The following PTPRD variants were observed in gnomAD, a reference collection of about 807,000 sequenced individuals.
PTPRD encodes protein tyrosine phosphatase receptor type D.
PTPRD carries 34 observed loss-of-function variants against 214.5 expected under a neutral mutation model. The observed-to-expected ratio is 0.16, with a 90% confidence interval of 0.12 to 0.21. The LOEUF is 0.21. Among genes scored for constraint, PTPRD ranks in the 10% least tolerant of loss-of-function variants. PTPRD has a pLI of 1.00. For missense variants in PTPRD, 2,545 were observed against 2,398.7 expected, an observed-to-expected ratio of 1.06 and a Z score of -1.27; for synonymous variants, 1,128 against 845.7, an observed-to-expected ratio of 1.33 and a Z score of -5.79.
At chr9:9,576,777 T>G (rs927523260) in intron 7 of PTPRD, among the ~76,000 whole-genome samples, 3 of 152,126 alleles carry the variant, frequency 2.0e-5, no homozygotes, top group African/African-American at 7.2e-5. Flanking sequence ...AGCTTTAAGG[T>G]TTTAACATTA....
intron 7 of PTPRD, among the ~76,000 whole-genome samples, chr9:9,676,812 G>T (rs948863322): frequency 6.6e-6 from 1 of 151,982 alleles, no homozygotes. Context: ...TTTAATGATC[G>T]CCATTTTAAC....
At chr9:9,745,861 T>A (rs1596555902) in intron 6 of PTPRD, among the ~76,000 whole-genome samples, 1 of 152,184 alleles carries the variant, frequency 6.6e-6, no homozygotes, top group Non-Finnish European at 1.5e-5. Context: ...GCTCTCCCAG[T>A]TGTTGTCTCT....
At chr9:9,364,851 G>A (rs912159121) in intron 9 of PTPRD, among the ~76,000 whole-genome samples, 1 of 151,188 alleles carries the variant, frequency 6.6e-6, no homozygotes, top group East Asian at 2.0e-4. Flanking sequence ...GCAGTGTTGA[G>A]TGTGGATGGA....
chr9:10,147,575 G>C lies in PTPRD; in HGVS notation c.-544-113785C>G, dbSNP rs147343003. Among the ~76,000 whole-genome samples the C allele has an allele frequency of 3.1e-3, 472 of 152,208 alleles. 2 individuals carry two copies. Among genetic ancestry groups the C allele is most frequent in the African/African-American group, 0.011 (453 of 41,552 alleles). On this transcript the variant is annotated intron_variant, in intron 3 of 45. Coordinates refer to ENST00000381196, the MANE Select transcript of PTPRD (RefSeq NM_002839.4). The stretch of plus-strand genomic sequence containing the variant: ...AGGTCTAAAAGGAAGAAGAGTTATA[G>C]AGATGCAAAAGCTACATTTGCTGGC...
chr9:8,685,998 G>C (rs1464769253), intron 12 of PTPRD, among the ~76,000 whole-genome samples: 1 of 152,112 alleles, frequency 6.6e-6, no homozygotes, highest in Non-Finnish European at 1.5e-5. Flanking sequence ...TCTGGCTCTT[G>C]GGGAGATGTT....
At chr9:9,306,327 G>A (rs992021338) in intron 9 of PTPRD, among the ~76,000 whole-genome samples, 1 of 151,844 alleles carries the variant, frequency 6.6e-6, no homozygotes, top group Non-Finnish European at 1.5e-5. Flanking sequence ...ACTTTGGGAG[G>A]CCTAGGTGGG....
At chr9:9,471,053 G>C (rs867194606) in intron 8 of PTPRD, among the ~76,000 whole-genome samples, 1 of 152,066 alleles carries the variant, frequency 6.6e-6, no homozygotes. Context: ...CAGGTCTTGG[G>C]GTCTAACAGA....
intron 2 of PTPRD, among the ~76,000 whole-genome samples, chr9:10,345,609 G>T (rs1027010161): frequency 3.9e-5 from 6 of 152,120 alleles, no homozygotes; most frequent in Non-Finnish European, 7.3e-5. Flanking sequence ...CCTTTTTGTG[G>T]CTACACAGTA....
chr9:8,859,653 A>G (rs1397557257), intron 11 of PTPRD, among the ~76,000 whole-genome samples: 1 of 152,154 alleles, frequency 6.6e-6, no homozygotes, highest in Non-Finnish European at 1.5e-5. Flanking sequence ...TGCTGTCTCA[A>G]GCTGCCCATT....
chr9:9,292,230 G>T (rs562216711), intron 9 of PTPRD, among the ~76,000 whole-genome samples: 347 of 150,582 alleles, frequency 2.3e-3, no homozygotes, highest in Non-Finnish European at 2.6e-3. Flanking sequence ...TCATTCACTT[G>T]AAATCCTTCC....
intron 11 of PTPRD, among the ~76,000 whole-genome samples, chr9:8,888,146 A>T (rs1176823758): frequency 6.6e-6 from 1 of 152,210 alleles, no homozygotes; most frequent in Non-Finnish European, 1.5e-5. Context: ...ACTCCATGAC[A>T]TACACAAAAT....
intron 9 of PTPRD, among the ~76,000 whole-genome samples, chr9:9,291,596 G>A (rs1312149095): frequency 6.6e-6 from 1 of 151,134 alleles, no homozygotes; most frequent in Non-Finnish European, 1.5e-5. Context: ...TATTAAATTT[G>A]CAATACATTA....
intron 11 of PTPRD, among the ~76,000 whole-genome samples, chr9:8,788,458 A>T (rs2096085978): frequency 6.6e-6 from 1 of 151,782 alleles, no homozygotes; most frequent in African/African-American, 2.4e-5. Flanking sequence ...TATTTTTAGT[A>T]GAGACGGGGT....
chr9:10,020,414 G>C (rs1035331320), intron 4 of PTPRD, among the ~76,000 whole-genome samples: 7 of 145,652 alleles, frequency 4.8e-5, no homozygotes, highest in Non-Finnish European at 7.5e-5. Context: ...CGATTCTCTT[G>C]CCTCAGCCTC....
intron 2 of PTPRD, among the ~76,000 whole-genome samples, chr9:10,530,291 T>C (rs373150788): frequency 1.5e-4 from 23 of 152,120 alleles, no homozygotes; most frequent in African/African-American, 4.3e-4. Context: ...AGGTATCCAG[T>C]GGCAAAAATA....
At chr9:10,459,595 A>G (rs934430764) in intron 2 of PTPRD, among the ~76,000 whole-genome samples, 5 of 152,138 alleles carry the variant, frequency 3.3e-5, no homozygotes, top group African/African-American at 1.2e-4. Flanking sequence ...TCGCCATTCT[A>G]ACTAACATGA....
chr9:9,938,935 C>T (rs1203027978), intron 4 of PTPRD, among the ~76,000 whole-genome samples: 1 of 151,804 alleles, frequency 6.6e-6, no homozygotes, highest in Non-Finnish European at 1.5e-5. Context: ...ATATAGTGTC[C>T]TTGGAAACAG....
At chr9:10,076,186 C>T (rs1191809658) in intron 3 of PTPRD, among the ~76,000 whole-genome samples, 1 of 151,998 alleles carries the variant, frequency 6.6e-6, no homozygotes, top group African/African-American at 2.4e-5. Flanking sequence ...GGGTCTACGT[C>T]TTGCACTGCC....
At chr9:9,665,209 T>C (rs181573692) in intron 7 of PTPRD, among the ~76,000 whole-genome samples, 1 of 151,802 alleles carries the variant, frequency 6.6e-6, no homozygotes, top group East Asian at 1.9e-4. Context: ...AAGAGCCAAC[T>C]TTCTTGTAAC....
Sources: allele counts gnomAD v4.1 joint callset (sites outside exome capture counted in the v4.1 genomes callset), GRCh38; gene constraint gnomAD v4.1.1; transcripts MANE v1.5; gene names NCBI Gene and HGNC (gene_info 2026-07-23, HGNC 2026-07-21).